DNAH5: variants seen among roughly 807,000 people sequenced by gnomAD.
The protein encoded by DNAH5 is dynein axonemal heavy chain 5.
In DNAH5, 372 loss-of-function variants were observed where a neutral mutation model predicts 518.2. The observed-to-expected ratio is 0.72, with a 90% CI of 0.66 to 0.78. The LOEUF (loss-of-function observed/expected upper bound fraction) is 0.78, where lower values mean the gene tolerates loss of function less well. Ranked by LOEUF, DNAH5 falls within the 30% of genes least tolerant of loss-of-function variation. DNAH5 has a pLI of 0.00. For synonymous variants in DNAH5, 2,039 were observed against 2,025.9 expected, an observed-to-expected ratio of 1.01 and a Z score of -0.17; for missense variants, 5,523 against 5,687.0, an observed-to-expected ratio of 0.97 and a Z score of 0.93.
rs555957451 is a variant in DNAH5 at position 13,771,735 on chromosome 5, C to T, written c.9374-755G>A. On this transcript the variant is annotated intron_variant, in intron 55 of 78. Coordinates refer to ENST00000265104, the MANE Select transcript of DNAH5 (RefSeq NM_001369.3). Reference sequence around the variant, plus strand: ...CTTGGTCTCAACCCCAAGGAATTTACAAGCATCACACAAAATACGGTTAAA... The same window carrying T: ...CTTGGTCTCAACCCCAAGGAATTTATAAGCATCACACAAAATACGGTTAAA... 6.7e-4 allele frequency among the ~76,000 whole-genome samples: 102 copies of T among 152,298 alleles called. 1 individual carries two copies. In the South Asian group the frequency reaches 0.019, roughly 29 times the overall value.
At chr5:13,838,886 G>A (rs1345934475) in intron 35 of DNAH5, among the ~76,000 whole-genome samples, 2 of 151,456 alleles carry the variant, frequency 1.3e-5, no homozygotes, top group Non-Finnish European at 2.9e-5. Context: ...AACACAACTT[G>A]TAAATAGCAG....
intron 65 of DNAH5, among the ~76,000 whole-genome samples, chr5:13,742,732 CA>C (rs1561155606): frequency 6.6e-6 from 1 of 151,832 alleles, no homozygotes; most frequent in African/African-American, 2.4e-5. Flanking sequence ...CCTATATTCC[CA>C]AAGGATTAAA....
At chr5:13,948,338 A>C (rs576894239), upstream of DNAH5, among the ~76,000 whole-genome samples, 4 of 152,314 alleles carry the variant, frequency 2.6e-5, no homozygotes, top group South Asian at 8.3e-4. Context: ...CAATTAAAAT[A>C]AAATTGAAAT....
chr5:13,924,473 C>G (rs1001416937), intron 3 of DNAH5, among the ~76,000 whole-genome samples: 6 of 151,894 alleles, frequency 4.0e-5, no homozygotes, highest in Non-Finnish European at 7.4e-5. Context: ...GTCGGGAGTT[C>G]GAGACCAGCC....
At position 13,864,702 on chromosome 5, in the gene DNAH5, G is replaced by A. The variant is rs74692960; in HGVS notation, c.4356-65C>T. On this transcript the variant is annotated intron_variant, in intron 27 of 78. Transcript: ENST00000265104. ...ATGGTAGACATCACTGGACCAAGAC[G>A]GTCTGCTAGTATTTCTATTAAAAAC... The A allele has an allele frequency of 4.5e-3, 6,972 of 1,558,382 alleles. 228 individuals carry two copies. The African/African-American group carries it at 0.075, about 17-fold the overall frequency.
intron 1 of DNAH5, among the ~76,000 whole-genome samples, chr5:13,984,981 A>G (rs543063077): frequency 6.6e-6 from 1 of 152,210 alleles, no homozygotes; most frequent in Admixed American, 6.5e-5. Flanking sequence ...ATGCACATGT[A>G]TGTTTATTGC....
intron 15 of DNAH5, chr5:13,899,637 C>A (rs1309251779): frequency 6.5e-6 from 1 of 153,048 alleles, no homozygotes; most frequent in Non-Finnish European, 1.5e-5. Flanking sequence ...ACAGTCAGGG[C>A]CCCTGCATGG....
At chr5:13,809,888 T>C (rs980404142) in intron 45 of DNAH5, among the ~76,000 whole-genome samples, 171 bp downstream of exon 45, 2 of 152,228 alleles carry the variant, frequency 1.3e-5, no homozygotes, top group African/African-American at 2.4e-5. Context: ...AAATACAAAG[T>C]AGATTTTTTA....
exon 1 of DNAH5, among the ~76,000 whole-genome samples, chr5:14,011,705 G>A (rs1050712507): frequency 1.3e-5 from 2 of 152,142 alleles, no homozygotes; most frequent in Non-Finnish European, 2.9e-5. Flanking sequence ...CGCTCCCCCG[G>A]TGCAGGGAGG....
intron 47 of DNAH5, among the ~76,000 whole-genome samples, chr5:13,802,754 G>A (rs1023063929): frequency 2.6e-5 from 4 of 152,164 alleles, no homozygotes; most frequent in Non-Finnish European, 4.4e-5. Flanking sequence ...AAATCTGCAC[G>A]ACCTGCAAGG....
At chr5:13,972,974 A>G (rs540500335) in intron 1 of DNAH5, among the ~76,000 whole-genome samples, 2 of 152,252 alleles carry the variant, frequency 1.3e-5, no homozygotes, top group South Asian at 4.2e-4. Flanking sequence ...CAAAATGTCC[A>G]TTTCTAATCT....
Position 13,700,603 on chromosome 5 carries a change from C to G in DNAH5, c.13723+37G>C, listed in dbSNP as rs779305798. The G allele has an allele frequency of 1.9e-6, 3 of 1,565,382 alleles. No individual in the cohort carries two copies. In the South Asian group the frequency reaches 3.3e-5, roughly 17 times the overall value. Reference sequence around the variant, plus strand: ...GTGTTGATAATGTCATCCAAACGAACAATGCGAGCCCTTACTGAAGGTACA... The same window carrying G: ...GTGTTGATAATGTCATCCAAACGAAGAATGCGAGCCCTTACTGAAGGTACA... On this transcript the variant is annotated intron_variant, in intron 78 of 78. Coordinates refer to ENST00000265104, the MANE Select transcript of DNAH5 (RefSeq NM_001369.3).
chr5:13,926,154 G>C (rs984235187), intron 3 of DNAH5, among the ~76,000 whole-genome samples: 1 of 152,162 alleles, frequency 6.6e-6, no homozygotes, highest in South Asian at 2.1e-4. Context: ...CTGCTGAAAA[G>C]AGCCAGACTG....
At chr5:13,764,487 G>C (rs1752233314) in intron 59 of DNAH5, among the ~76,000 whole-genome samples, 1 of 152,142 alleles carries the variant, frequency 6.6e-6, no homozygotes, top group Non-Finnish European at 1.5e-5. Context: ...CCTATGAAAA[G>C]GTTGGGAAAT....
chr5:13,850,123 T>A (rs1224010540), intron 31 of DNAH5, among the ~76,000 whole-genome samples: 1 of 152,112 alleles, frequency 6.6e-6, no homozygotes, highest in African/African-American at 2.4e-5. Context: ...AGCATATTAC[T>A]ATGTAACATA....
At chr5:13,763,505 A>T (rs1397989422) in intron 59 of DNAH5, among the ~76,000 whole-genome samples, 1 of 152,248 alleles carries the variant, frequency 6.6e-6, no homozygotes, top group African/African-American at 2.4e-5. Flanking sequence ...AAAATTTAAA[A>T]TAGTAGCAGA....
At chr5:13,747,177 T>C (rs1287907589) in intron 65 of DNAH5, among the ~76,000 whole-genome samples, 1 of 152,100 alleles carries the variant, frequency 6.6e-6, no homozygotes, top group Non-Finnish European at 1.5e-5. Flanking sequence ...CTGAGAATGA[T>C]GGTTTCCAGC....
chr5:13,877,059 G>C (rs1770998765), intron 21 of DNAH5, among the ~76,000 whole-genome samples: 1 of 152,202 alleles, frequency 6.6e-6, no homozygotes, highest in African/African-American at 2.4e-5. Flanking sequence ...GGTAACAACA[G>C]CAAGTTTTGT....
intron 1 of DNAH5, among the ~76,000 whole-genome samples, chr5:14,006,083 A>C (rs1784708145): frequency 9.0e-6 from 1 of 110,564 alleles, no homozygotes; most frequent in African/African-American, 3.3e-5. Flanking sequence ...CCCACACCCA[A>C]CCCTGGCGTT....
Sources: gnomAD v4.1 joint callset for allele counts (sites outside exome capture counted in the v4.1 genomes callset) on GRCh38, gnomAD v4.1.1 for gene constraint, MANE v1.5 for transcripts, NCBI Gene and HGNC (gene_info 2026-07-23, HGNC 2026-07-21) for gene names.